The following LRRC1 variants were observed in gnomAD, a reference collection of about 807,000 sequenced individuals.
LRRC1 encodes the protein leucine-rich repeat-containing protein 1.
LRRC1 carries 28 observed loss-of-function variants against 69.9 expected under a neutral mutation model. That is an observed-to-expected ratio of 0.40 (90% confidence interval 0.30 to 0.55). The LOEUF (loss-of-function observed/expected upper bound fraction) is 0.55, where lower values mean the gene tolerates loss of function less well. LRRC1 is among the 20% of genes least tolerant of loss of function. The pLI is 0.47. For synonymous variants in LRRC1, 236 were observed against 240.2 expected (o/e 0.98, Z 0.16); for missense variants, 498 against 609.0 (o/e 0.82, Z 1.92).
intron 1 of LRRC1, among the ~76,000 whole-genome samples, chr6:53,818,621 C>T (rs946377495): frequency 6.6e-5 from 10 of 152,122 alleles, no homozygotes; most frequent in Non-Finnish European, 1.5e-4. Context: ...ATGCTAAACT[C>T]TGTATGTGAC....
At chr6:53,861,873 T>C (rs2127423466) in intron 2 of LRRC1, among the ~76,000 whole-genome samples, 1 of 152,074 alleles carries the variant, frequency 6.6e-6, no homozygotes. Flanking sequence ...CTGTCCCAGC[T>C]GACAAGAATC....
intron 13 of LRRC1, among the ~76,000 whole-genome samples, 197 bp downstream of exon 13, chr6:53,920,958 T>C (rs1194634439): frequency 6.6e-6 from 1 of 150,860 alleles, no homozygotes; most frequent in Admixed American, 6.6e-5. Context: ...ATGGAACTCA[T>C]GGGTTTTTTT....
intron 1 of LRRC1, 33 bp downstream of exon 1, chr6:53,795,448 C>G (rs375119415): frequency 2.5e-6 from 4 of 1,587,108 alleles, no homozygotes; most frequent in East Asian, 2.3e-5. Flanking sequence ...GCGCTCTGCC[C>G]GCTCGTCTGC....
At chr6:53,839,884 A>G (rs1329396753) in intron 1 of LRRC1, among the ~76,000 whole-genome samples, 2 of 152,154 alleles carry the variant, frequency 1.3e-5, no homozygotes, top group Middle Eastern at 3.2e-3. Context: ...AACATTCTGA[A>G]AGAGTTGCAA....
At chr6:53,874,302 G>A (rs1207918860) in intron 2 of LRRC1, among the ~76,000 whole-genome samples, 1 of 151,920 alleles carries the variant, frequency 6.6e-6, no homozygotes. Flanking sequence ...ACAAATGTTC[G>A]TGAGTTTTAA....
At chr6:53,887,662 G>C (rs994653233) in intron 4 of LRRC1, among the ~76,000 whole-genome samples, 1 of 152,142 alleles carries the variant, frequency 6.6e-6, no homozygotes, top group Admixed American at 6.5e-5. Flanking sequence ...TGAAGATACT[G>C]CATTTTCTTT....
In LRRC1 at chr6:53,882,447, A is replaced by G. The variant is rs1341894955; in HGVS notation, c.357-440A>G. ...ACTACAGGAAGAAAAATTATGCAGT[A>G]GCTGTCCTGTGTTTTATTATAATCT... On this transcript the variant is annotated intron_variant, in intron 3 of 13. Transcript: ENST00000370888. Among the ~76,000 whole-genome samples the G allele has an allele frequency of 2.6e-5, 4 of 152,236 alleles. No homozygotes were observed. The East Asian group carries it at 7.7e-4, about 29-fold the overall frequency.
At chr6:53,813,700 C>T (rs1764868175) in intron 1 of LRRC1, among the ~76,000 whole-genome samples, 1 of 152,090 alleles carries the variant, frequency 6.6e-6, no homozygotes, top group Non-Finnish European at 1.5e-5. Context: ...TGCGGGCTGC[C>T]TGTTTGCACC....
Position 53,878,986 on chromosome 6 carries a change from C to G in LRRC1, c.278-7C>G, listed in dbSNP as rs779712055. The G allele has an allele frequency of 1.0e-5, 16 of 1,592,632 alleles. No individual in the cohort carries two copies. The highest frequency in any genetic ancestry group is 1.3e-5 in the Non-Finnish European group (15 of 1,162,006). The stretch of plus-strand genomic sequence containing the variant: ...GCAAATTATAGACATTTTCTCTACT[C>G]CTGCAGAGATTCCTGAAATTCCAGA... On this transcript the variant is annotated splice_polypyrimidine_tract_variant and splice_region_variant and intron_variant, in intron 2 of 13. Transcript: ENST00000370888.
intron 10 of LRRC1, among the ~76,000 whole-genome samples, chr6:53,912,967 T>G (rs1768459121): frequency 6.6e-6 from 1 of 152,174 alleles, no homozygotes; most frequent in Admixed American, 6.5e-5. Flanking sequence ...ATCAAGCTAT[T>G]TTTCTGCCCT....
chr6:53,803,018 G>A (rs914160033), intron 1 of LRRC1, among the ~76,000 whole-genome samples: 2 of 152,064 alleles, frequency 1.3e-5, no homozygotes, highest in African/African-American at 4.8e-5. Context: ...CCTTTTCCTG[G>A]GGCTCCCAGC....
intron 8 of LRRC1, 51 bp downstream of exon 8, chr6:53,899,942 G>A: frequency 6.5e-7 from 1 of 1,533,742 alleles, no homozygotes; most frequent in Non-Finnish European, 8.9e-7. Context: ...CCGTCGTCTT[G>A]AGGGTTTGGG....
At chr6:53,882,402 C>T (rs1003488688) in intron 3 of LRRC1, among the ~76,000 whole-genome samples, 4 of 152,188 alleles carry the variant, frequency 2.6e-5, no homozygotes, top group Non-Finnish European at 5.9e-5. Context: ...TATTCCATAG[C>T]TTTCCCCTGG....
intron 1 of LRRC1, among the ~76,000 whole-genome samples, chr6:53,840,927 T>TGTGTGTGTGCGC (rs578018808): frequency 4.5e-5 from 6 of 132,508 alleles, no homozygotes; most frequent in Non-Finnish European, 7.9e-5. Context: ...TGTGTGTGTG[T>TGTGTGTGTGCGC]GCGTGCGCGC....
At chr6:53,849,061 C>CTTTT (rs569737865) in intron 2 of LRRC1, among the ~76,000 whole-genome samples, 1,911 of 130,556 alleles carry the variant, frequency 0.015, 45 homozygotes, top group African/African-American at 0.053. Flanking sequence ...CCGGCCTATG[C>CTTTT]TTTTTTTTTT....
chr6:53,795,143 A>G lies in LRRC1; in HGVS notation c.-114A>G, dbSNP rs892963763. 24 of 933,438 alleles carry G rather than the reference A, an allele frequency of 2.6e-5. No homozygotes were observed. Among genetic ancestry groups the G allele is most frequent in the Non-Finnish European group, 3.7e-5 (24 of 647,070 alleles). The allele number at this position is 933,438 out of a possible 1,614,324, so 57.8% of individuals were successfully genotyped here. A position where few individuals can be genotyped will look rare whatever the true frequency, so the allele number is the denominator to read the frequency against. Reference sequence around the variant, plus strand: ...GGCGCGAGAAGCGAGCTAACCCAAGAGCCAACAACGAGCGCGGAGAGGGCA... The same window carrying G: ...GGCGCGAGAAGCGAGCTAACCCAAGGGCCAACAACGAGCGCGGAGAGGGCA... On this transcript the variant is annotated 5_prime_UTR_variant, in exon 1 of 14. Coordinates refer to ENST00000370888, the MANE Select transcript of LRRC1 (RefSeq NM_018214.5).
intron 1 of LRRC1, among the ~76,000 whole-genome samples, chr6:53,819,745 G>A (rs1043749067): frequency 6.6e-6 from 1 of 152,048 alleles, no homozygotes; most frequent in Non-Finnish European, 1.5e-5. Context: ...ATTTTGTCTG[G>A]TTATGCTACT....
At chr6:53,878,403 A>G (rs11758405) in intron 2 of LRRC1, among the ~76,000 whole-genome samples, 53,961 of 152,104 alleles carry the variant, frequency 0.35, 9,989 homozygotes, top group South Asian at 0.42. Context: ...GGTAGATTCA[A>G]TGGGAGCCCT....
In LRRC1 at chr6:53,811,354, T is replaced by C. The variant is rs757927683; in HGVS notation, c.159+15939T>C. Among the ~76,000 whole-genome samples, 254 of 152,318 alleles carry C rather than the reference T, an allele frequency of 1.7e-3. 1 individual carries two copies. The highest frequency in any genetic ancestry group is 8.5e-4 in the Non-Finnish European group (58 of 68,026). Reference sequence around the variant, plus strand: ...TATCCACCTGAGAGGCAGGTGACGATGGTGGCTGAGTCAGCATGTCCTGCT... The same window carrying C: ...TATCCACCTGAGAGGCAGGTGACGACGGTGGCTGAGTCAGCATGTCCTGCT... On this transcript the variant is annotated intron_variant, in intron 1 of 13. Coordinates refer to ENST00000370888, the MANE Select transcript of LRRC1 (RefSeq NM_018214.5).
Sources: allele counts gnomAD v4.1 joint callset (sites outside exome capture counted in the v4.1 genomes callset), GRCh38; gene constraint gnomAD v4.1.1; transcripts MANE v1.5; gene names NCBI Gene and HGNC (gene_info 2026-07-23, HGNC 2026-07-21).